Variants in ADRA1A observed in about 807,000 individuals in gnomAD.
ADRA1A encodes adrenoceptor alpha 1A, also known as alpha-1A adrenergic receptor.
ADRA1A carries 31 observed loss-of-function variants against 29.6 expected under a neutral mutation model. The ratio of observed to expected loss-of-function variants is 1.05; its 90% CI spans 0.79 to 1.41. The LOEUF is 1.41. Ranked by LOEUF, ADRA1A falls within the 40% of genes most tolerant of loss-of-function variation. ADRA1A has a pLI of 0.00. For synonymous variants in ADRA1A, 311 were observed against 254.3 expected (o/e 1.22, Z -2.12); for missense variants, 619 against 601.1 (o/e 1.03, Z -0.31).
At chr8:26,814,047 T>A (rs1296584768) in intron 2 of ADRA1A, among the ~76,000 whole-genome samples, 1 of 152,138 alleles carries the variant, frequency 6.6e-6, no homozygotes. Flanking sequence ...AAATAATGAG[T>A]TAGTTGCCAA....
intron 2 of ADRA1A, among the ~76,000 whole-genome samples, chr8:26,846,916 G>T (rs1159883343): frequency 6.6e-6 from 1 of 152,184 alleles, no homozygotes. Context: ...CATGTCCTTT[G>T]TAGGGACATG....
At chr8:26,858,370 A>G (rs1813197918) in intron 2 of ADRA1A, among the ~76,000 whole-genome samples, 1 of 151,972 alleles carries the variant, frequency 6.6e-6, no homozygotes, top group South Asian at 2.1e-4. Flanking sequence ...AAGGACATCC[A>G]CCCCTCATGG....
In ADRA1A at chr8:26,748,689, G is replaced by GTTGC. The variant is rs1382213276; in HGVS notation, c.1325_1328dup (p.Asn443LysfsTer59). ...AATCTCTTGAACCCGGGAGGCGGAG[G>GTTGC]TTGCAGTGAGCCAAGATCATGCCAC... On this transcript the variant is annotated frameshift_variant, in exon 3 of 3. Coordinates refer to the ADRA1A transcript ENST00000380586. LOFTEE classifies it high-confidence loss of function. The GTTGC allele has an allele frequency of 2.7e-6, 1 of 373,212 alleles. No homozygotes were observed. Among genetic ancestry groups the GTTGC allele is most frequent in the Admixed American group, 3.4e-5 (1 of 29,778 alleles). The allele number at this position is 373,212 out of a possible 1,614,324, so 23.1% of individuals were successfully genotyped here. A position where few individuals can be genotyped will look rare whatever the true frequency, so the allele number is the denominator to read the frequency against.
chr8:26,820,573 TCCC>T (rs1810091903), intron 2 of ADRA1A, among the ~76,000 whole-genome samples: 1 of 152,118 alleles, frequency 6.6e-6, no homozygotes, highest in African/African-American at 2.4e-5. Flanking sequence ...TTCACCACCT[TCCC>T]CATGACATAG....
At chr8:26,777,368 T>C (rs1416831592) in intron 2 of ADRA1A, among the ~76,000 whole-genome samples, 8 of 152,168 alleles carry the variant, frequency 5.3e-5, no homozygotes, top group Admixed American at 2.6e-4. Flanking sequence ...TAGCTTGTAT[T>C]AGCTTCTCGC....
Position 26,805,447 on chromosome 8 carries a change from T to C in ADRA1A, c.884-34781A>G, listed in dbSNP as rs1475301075. 3.2e-4 allele frequency among the ~76,000 whole-genome samples: 49 copies of C among 152,212 alleles called. No individual in the cohort carries two copies. Among genetic ancestry groups the C allele is most frequent in the Admixed American group, 3.1e-3 (48 of 15,282 alleles). ...TCTTAGAGAAGGGAGACCAAGACTC[T>C]GGGTAATACAAGACTGAATACTTAC... On this transcript the variant is annotated intron_variant, in intron 2 of 2. Transcript: ENST00000380573. The surrounding 1 kb of genome is among the most constrained non-coding windows in gnomAD (Gnocchi z 4.8).
In ADRA1A at chr8:26,775,097, C is replaced by A. The variant is rs1806450710; in HGVS notation, c.884-4431G>T. 6.6e-6 allele frequency among the ~76,000 whole-genome samples: 1 copy of A among 152,196 alleles called. No homozygotes were observed. The highest frequency in any genetic ancestry group is 2.1e-4 in the South Asian group (1 of 4,832). ...TCCATTCGAGCAGCCATCCGGCCGG[C>A]TTTGCTCACTCACGGAGCTCCAGAA... On this transcript the variant is annotated intron_variant, in intron 2 of 2. Coordinates refer to ENST00000380573, the MANE Select transcript of ADRA1A (RefSeq NM_000680.4). The surrounding 1 kb of genome is among the most constrained non-coding windows in gnomAD (Gnocchi z 4.1).
At position 26,775,324 on chromosome 8, in the gene ADRA1A, A is replaced by C. The variant is rs139228778; in HGVS notation, c.884-4658T>G. 2.8e-3 allele frequency among the ~76,000 whole-genome samples: 426 copies of C among 151,616 alleles called. 8 individuals carry two copies. Among genetic ancestry groups the C allele is most frequent in the Admixed American group, 0.023 (355 of 15,236 alleles). ...AGCCTCATATTATCTCCCAACCCTG[A>C]CTTCTTTCTGCTGTCTCATTCTTCT... On this transcript the variant is annotated intron_variant, in intron 2 of 2. Transcript: ENST00000380573. This position sits in a 1 kb window ranked among gnomAD's most constrained non-coding sequence, Gnocchi z 4.1.
chr8:26,865,506 C>T lies in ADRA1A; in HGVS notation c.-537G>A, dbSNP rs1813844726. ...GTAGCGCAGCGCTACAGGTTGGGCG[C>T]TGCTCCTGGCCCGCAGTTACCTACA... On this transcript the variant is annotated 5_prime_UTR_variant, in exon 2 of 3. Coordinates refer to ENST00000380573, the MANE Select transcript of ADRA1A (RefSeq NM_000680.4). The surrounding 1 kb of genome is among the most constrained non-coding windows in gnomAD (Gnocchi z 7.6). The T allele has an allele frequency of 4.1e-6, 4 of 976,298 alleles. No individual in the cohort carries two copies. Among genetic ancestry groups the T allele is most frequent in the Non-Finnish European group, 4.9e-6 (4 of 824,322 alleles). The allele number at this position is 976,298 out of a possible 1,614,324, so 60.5% of individuals were successfully genotyped here.
intron 2 of ADRA1A, among the ~76,000 whole-genome samples, chr8:26,845,967 G>T (rs1812166777): frequency 6.6e-6 from 1 of 152,124 alleles, no homozygotes; most frequent in African/African-American, 2.4e-5. Flanking sequence ...TCATTCTGGG[G>T]TCATGAAGTG....
At chr8:26,836,840 G>A (rs189512816) in intron 2 of ADRA1A, among the ~76,000 whole-genome samples, 1 of 152,358 alleles carries the variant, frequency 6.6e-6, no homozygotes, top group Non-Finnish European at 1.5e-5. Flanking sequence ...GGGGCCAGCA[G>A]TGGTATTTGG....
At chr8:26,846,210 T>A (rs931250005) in intron 2 of ADRA1A, among the ~76,000 whole-genome samples, 8 of 152,222 alleles carry the variant, frequency 5.3e-5, no homozygotes, top group African/African-American at 1.7e-4. Context: ...CTAGCTAAGA[T>A]GTTGGCAACA....
downstream of ADRA1A, among the ~76,000 whole-genome samples, chr8:26,762,801 C>G (rs1254448126): frequency 6.6e-6 from 1 of 152,160 alleles, no homozygotes; most frequent in East Asian, 1.9e-4. This position sits in a 1 kb window ranked among gnomAD's most constrained non-coding sequence, Gnocchi z 4.0. Context: ...TGCTGTGGAG[C>G]CTCCTCTCTC....
chr8:26,826,130 C>G (rs1045140772), intron 2 of ADRA1A, among the ~76,000 whole-genome samples: 2 of 152,230 alleles, frequency 1.3e-5, no homozygotes, highest in African/African-American at 4.8e-5. Flanking sequence ...CCTTCTGTGG[C>G]CTTCCTCAGG....
At chr8:26,758,708 C>T (rs998243602) in intron 2 of ADRA1A, among the ~76,000 whole-genome samples, 4 of 152,198 alleles carry the variant, frequency 2.6e-5, no homozygotes, top group Non-Finnish European at 5.9e-5. Flanking sequence ...CAGTGCCCTT[C>T]CTAGCATGGG....
At chr8:26,756,529 A>T (rs772537459) in exon 3 of ADRA1A, 1 of 1,535,620 alleles carries the variant, frequency 6.5e-7, no homozygotes. Context: ...TTCCCTTTGC[A>T]TTCATGATCA....
chr8:26,774,847 C>T (rs571645512), intron 2 of ADRA1A, among the ~76,000 whole-genome samples: 2 of 152,296 alleles, frequency 1.3e-5, no homozygotes, highest in Admixed American at 1.3e-4. Context: ...TCTGCCCAAA[C>T]CTTCCCCGTC....
intron 2 of ADRA1A, among the ~76,000 whole-genome samples, chr8:26,786,755 G>GGT (rs1280611843): frequency 6.9e-6 from 1 of 145,952 alleles, no homozygotes; most frequent in African/African-American, 2.6e-5. Flanking sequence ...GGGGGGGGGG[G>GGT]TCTCTCATTA....
At chr8:26,856,178 G>A (rs112486447) in intron 2 of ADRA1A, among the ~76,000 whole-genome samples, 17,089 of 152,194 alleles carry the variant, frequency 0.11, 2,477 homozygotes, top group African/African-American at 0.34. Flanking sequence ...TTCTGATCAC[G>A]AGAAAGCTTT....
Sources: gnomAD v4.1 joint callset for allele counts (sites outside exome capture counted in the v4.1 genomes callset) on GRCh38, gnomAD v4.1.1 for gene constraint, Gnocchi (gnomAD v3.1) non-coding constraint, MANE v1.5 for transcripts, NCBI Gene and HGNC (gene_info 2026-07-23, HGNC 2026-07-21) for gene names.